The following HECA variants were observed in gnomAD, a reference collection of about 807,000 sequenced individuals.
HECA encodes the protein HECA ribonucleoprotein granule regulator, also known as headcase protein homolog.
A neutral mutation model predicts 37.6 loss-of-function variants in HECA; 13 were observed. The ratio of observed to expected loss-of-function variants is 0.35; its 90% CI spans 0.23 to 0.55. The LOEUF (loss-of-function observed/expected upper bound fraction) is 0.55. Among genes scored for constraint, HECA ranks in the 20% least tolerant of loss-of-function variants. The pLI, the probability that HECA is intolerant of heterozygous loss-of-function variation, is 0.90. For synonymous variants in HECA, 307 were observed against 291.5 expected (o/e 1.05, Z -0.54); for missense variants, 527 against 701.9 (o/e 0.75, Z 2.82).
At chr6:139,167,931 C>T (rs544875395) in intron 2 of HECA, among the ~76,000 whole-genome samples, 15 of 152,196 alleles carry the variant, frequency 9.9e-5, no homozygotes, top group Admixed American at 5.2e-4. Context: ...TTGAATGACA[C>T]GAGGTTGGTT....
rs759799956 is a variant in HECA at position 139,166,900 on chromosome 6, G to C, written c.888G>C (p.Glu296Asp). 6.2e-7 allele frequency: 1 copy of C among 1,614,024 alleles called. No homozygotes were observed. Among genetic ancestry groups the C allele is most frequent in the South Asian group, 1.1e-5 (1 of 91,088 alleles). ...CCCGCTCCTCCAGATACCTCGGGGA[G>C]TTCTTAAAGAACGCCATCCATCTGG... ...SGPRSSRYLG[E>D]FLKNAIHLEP... Residue 296 changes from glutamate (E) to aspartate (D), a missense_variant, in exon 2 of 4, where the codon GAG (glutamate) becomes GAC (aspartate). By Grantham distance (45) the Glu-to-Asp change is conservative. This residue lies in a region of HECA where 228 missense variants were observed against 259.8 expected (regional missense o/e 0.88). Coordinates refer to ENST00000367658, the MANE Select transcript of HECA (RefSeq NM_016217.3).
rs1342115285 is a variant in HECA, at chr6:139,178,964, T to C, written c.*1859T>C. On this transcript the variant is annotated 3_prime_UTR_variant, in exon 4 of 4. Transcript: ENST00000367658. The stretch of plus-strand genomic sequence containing the variant: ...GTTATTCACTAATATCATTCATCTT[T>C]CAGTTTGGATGATTTGGTTTGCTGC... The C allele has an allele frequency of 2.6e-5, 4 of 152,202 alleles. No individual in the cohort carries two copies. Among genetic ancestry groups the C allele is most frequent in the Non-Finnish European group, 4.4e-5 (3 of 68,046 alleles). 9.4% of individuals were successfully genotyped at this position (152,202 alleles called of 1,614,324 possible).
intron 1 of HECA, among the ~76,000 whole-genome samples, chr6:139,150,411 C>T (rs1253652678): frequency 6.6e-6 from 1 of 150,632 alleles, no homozygotes; most frequent in East Asian, 1.9e-4. Flanking sequence ...TTTTCCTCAA[C>T]TTATATTTTA....
At chr6:139,175,189 A>C (rs765846079) in intron 3 of HECA, among the ~76,000 whole-genome samples, 2 of 152,228 alleles carry the variant, frequency 1.3e-5, no homozygotes, top group Non-Finnish European at 2.9e-5. Context: ...TAACCTATAG[A>C]ATCACAGGAG....
intron 1 of HECA, 26 bp downstream of exon 1, chr6:139,135,693 G>C (rs1250077989): frequency 3.0e-5 from 29 of 969,954 alleles, no homozygotes; most frequent in Non-Finnish European, 3.6e-5. Flanking sequence ...CGGGGCGAGC[G>C]CCAACTTCCT....
intron 1 of HECA, among the ~76,000 whole-genome samples, chr6:139,164,075 C>A (rs1007785474): frequency 3.7e-5 from 4 of 108,316 alleles, no homozygotes; most frequent in African/African-American, 1.8e-4. Context: ...CAAACACACA[C>A]ACACACTCTC....
chr6:139,157,657 A>G (rs542313044), intron 1 of HECA, among the ~76,000 whole-genome samples: 1 of 152,374 alleles, frequency 6.6e-6, no homozygotes, highest in African/African-American at 2.4e-5. Flanking sequence ...CATGACTGAC[A>G]AAAGTGTAAG....
intron 2 of HECA, among the ~76,000 whole-genome samples, chr6:139,168,765 G>C (rs1324499565): frequency 6.6e-6 from 1 of 152,126 alleles, no homozygotes; most frequent in Non-Finnish European, 1.5e-5. Context: ...GGGAGCATGG[G>C]AATAGATGAT....
At chr6:139,142,291 A>G (rs1474480657) in intron 1 of HECA, among the ~76,000 whole-genome samples, 1 of 152,158 alleles carries the variant, frequency 6.6e-6, no homozygotes, top group Non-Finnish European at 1.5e-5. Context: ...AAGTTTCAGC[A>G]TGAATCTTGG....
In HECA at chr6:139,176,477, A is replaced by G. The variant is rs1775053616; in HGVS notation, c.1468-464A>G. ...GAAGATGCAGGGTGCTGGGAACTCCAGAAGCCTCAGACCAGCACCGCACTT... is the reference window on the plus strand; with the variant it reads ...GAAGATGCAGGGTGCTGGGAACTCCGGAAGCCTCAGACCAGCACCGCACTT... On this transcript the variant is annotated intron_variant, in intron 3 of 3. Transcript: ENST00000367658. This position sits in a 1 kb window ranked among gnomAD's most constrained non-coding sequence, Gnocchi z 4.5. Among the ~76,000 whole-genome samples, 1 of 152,240 alleles carries G rather than the reference A, an allele frequency of 6.6e-6. No individual in the cohort carries two copies. The highest frequency in any genetic ancestry group is 1.5e-5 in the Non-Finnish European group (1 of 68,044).
At position 139,135,630 on chromosome 6, in the gene HECA, C is replaced by CGCCGCGGGGGCTGCG. The variant is rs1774424004; in HGVS notation, c.243_257dup (p.Ala82_Gly86dup). The CGCCGCGGGGGCTGCG allele has an allele frequency of 1.0e-6, 1 of 971,194 alleles. No individual in the cohort carries two copies. The highest frequency in any genetic ancestry group is 1.2e-6 in the Non-Finnish European group (1 of 819,270). 60.2% of individuals were successfully genotyped at this position (971,194 alleles called of 1,614,324 possible). A position where few individuals can be genotyped will look rare whatever the true frequency, so the allele number is the denominator to read the frequency against. Reference sequence around the variant, plus strand: ...GGACTGGCGCCGCGAACGCTGCGGCCGCCGCGGGGGCTGCGGCCGCGGGCG... The same window carrying CGCCGCGGGGGCTGCG: ...GGACTGGCGCCGCGAACGCTGCGGCCGCCGCGGGGGCTGCGGCCGCGGGGGCTGCGGCCGCGGGCG... On this transcript the variant is annotated inframe_insertion, in exon 1 of 4. Transcript: ENST00000367658.
intron 1 of HECA, among the ~76,000 whole-genome samples, chr6:139,140,928 C>G (rs1774505477): frequency 6.6e-6 from 1 of 151,930 alleles, no homozygotes; most frequent in Non-Finnish European, 1.5e-5. Flanking sequence ...GTAGCTGGGA[C>G]TACAGGCACC....
chr6:139,165,963 T>C (rs1275355626), intron 1 of HECA: 5 of 238,416 alleles, frequency 2.1e-5, no homozygotes, highest in Non-Finnish European at 2.4e-5. Context: ...ATCCCTGCCA[T>C]TGGGTGTCAG....
Position 139,135,616 on chromosome 6 carries a change from GC to G in HECA, c.221del (p.Ala74GlyfsTer25), listed in dbSNP as rs1774423275. ...AGAGGAGTGA[A>X]NAAAAAGAAA... Reference sequence around the variant, plus strand: ...CGCCGGAGGCGCGGGGACTGGCGCCGCGAACGCTGCGGCCGCCGCGGGGGCT... The same window carrying G: ...CGCCGGAGGCGCGGGGACTGGCGCCGGAACGCTGCGGCCGCCGCGGGGGCT... On this transcript the variant is annotated frameshift_variant, in exon 1 of 4. Coordinates refer to ENST00000367658, the MANE Select transcript of HECA (RefSeq NM_016217.3). LOFTEE classifies it high-confidence loss of function. The G allele has an allele frequency of 2.1e-6, 2 of 967,100 alleles. No homozygotes were observed. The highest frequency in any genetic ancestry group is 1.3e-4 in the Admixed American group (2 of 15,616). The allele number at this position is 967,100 out of a possible 1,614,324, so 59.9% of individuals were successfully genotyped here.
chr6:139,170,859 A>G (rs1188086443), intron 2 of HECA, among the ~76,000 whole-genome samples: 1 of 152,132 alleles, frequency 6.6e-6, no homozygotes, highest in Admixed American at 6.5e-5. Context: ...GACAGAGTTG[A>G]GGCTTTGTAG....
At chr6:139,167,348 C>T in intron 2 of HECA, 24 bp downstream of exon 2, 1 of 1,503,830 alleles carries the variant, frequency 6.6e-7, no homozygotes, top group Non-Finnish European at 9.1e-7. Context: ...TTCACCTTGC[C>T]TGCTTTCTGT....
intron 1 of HECA, among the ~76,000 whole-genome samples, chr6:139,138,060 A>G (rs1774472707): frequency 6.6e-6 from 1 of 152,208 alleles, no homozygotes; most frequent in Non-Finnish European, 1.5e-5. Context: ...TCAGTTCTGC[A>G]GTTGATGATA....
chr6:139,170,300 G>A (rs1218700188), intron 2 of HECA: 1 of 152,048 alleles, frequency 6.6e-6, no homozygotes, highest in Non-Finnish European at 1.5e-5. Context: ...ACACATGCTG[G>A]GTACTATCAG....
intron 1 of HECA, among the ~76,000 whole-genome samples, chr6:139,135,889 G>T (rs1463250850): frequency 6.6e-6 from 1 of 151,750 alleles, no homozygotes; most frequent in Non-Finnish European, 1.5e-5. Flanking sequence ...GGCAGCCCGC[G>T]CCCCACACTC....
Sources: gnomAD v4.1 joint callset for allele counts (sites outside exome capture counted in the v4.1 genomes callset) on GRCh38, gnomAD v4.1.1 for gene constraint, gnomAD v4.1.1 regional missense constraint, Gnocchi (gnomAD v3.1) non-coding constraint, MANE v1.5 for transcripts, NCBI Gene and HGNC (gene_info 2026-07-23, HGNC 2026-07-21) for gene names.